The following ARRB2 variants were observed in gnomAD, a reference collection of about 807,000 sequenced individuals.
ARRB2 encodes beta-arrestin-2.
ARRB2 carries 21 observed loss-of-function variants against 53.4 expected under a neutral mutation model. The ratio of observed to expected loss-of-function variants is 0.39; its 90% confidence interval spans 0.28 to 0.57. The LOEUF (loss-of-function observed/expected upper bound fraction) is 0.57, where lower values mean the gene tolerates loss of function less well. Among genes scored for constraint, ARRB2 ranks in the 20% least tolerant of loss-of-function variants. The pLI is 0.55. For synonymous variants in ARRB2, 180 were observed against 212.9 expected, an observed-to-expected ratio of 0.85 and a Z score of 1.34; for missense variants, 369 against 527.5, an observed-to-expected ratio of 0.70 and a Z score of 2.94.
intron 1 of ARRB2, among the ~76,000 whole-genome samples, chr17:4,712,978 T>A (rs1289275645): frequency 6.6e-6 from 1 of 152,100 alleles, no homozygotes; most frequent in Non-Finnish European, 1.5e-5. Flanking sequence ...TTATTTAATT[T>A]AATTAATTTA....
chr17:4,715,185 C>T, intron 2 of ARRB2, 142 bp downstream of exon 2: 2 of 971,204 alleles, frequency 2.1e-6, no homozygotes, highest in Non-Finnish European at 3.0e-6. Context: ...GCGCCGACTT[C>T]CTTCCCTCCT....
In ARRB2 at chr17:4,717,497, C is replaced by T. The variant is rs1014020537; in HGVS notation, c.418-188C>T. 3.3e-6 allele frequency: 3 copies of T among 903,306 alleles called. No homozygotes were observed. The highest frequency in any genetic ancestry group is 5.1e-6 in the Non-Finnish European group (3 of 588,368). 56.0% of individuals were successfully genotyped at this position (903,306 alleles called of 1,614,324 possible). On this transcript the variant is annotated intron_variant, in intron 6 of 14. Coordinates refer to ENST00000269260, the MANE Select transcript of ARRB2 (RefSeq NM_004313.4). This position sits in a 1 kb window ranked among gnomAD's most constrained non-coding sequence, Gnocchi z 6.0. ...CATGGATCTGGGGATGGGGGCTCCCCTTGCACTACCATGACCAAGCCTCTG... is the reference window on the plus strand; with the variant it reads ...CATGGATCTGGGGATGGGGGCTCCCTTTGCACTACCATGACCAAGCCTCTG...
chr17:4,720,975 A>C lies in ARRB2; in HGVS notation c.1166A>C (p.Glu389Ala). The C allele has an allele frequency of 6.2e-7, 1 of 1,614,002 alleles. No individual in the cohort carries two copies. Among genetic ancestry groups the C allele is most frequent in the Non-Finnish European group, 8.5e-7 (1 of 1,179,954 alleles). The change falls in exon 15 of 15, where the codon GAG (glutamate) becomes GCG (alanine). Residue 389 changes from glutamate (E) to alanine (A), a missense_variant. Coordinates refer to ENST00000269260, the MANE Select transcript of ARRB2 (RefSeq NM_004313.4). ...GCCACAGATGATGACATTGTGTTTGAGGACTTTGCCCGGCTTCGGCTGAAG... is the reference window on the plus strand; with the variant it reads ...GCCACAGATGATGACATTGTGTTTGCGGACTTTGCCCGGCTTCGGCTGAAG... ...NYATDDDIVF[E>A]DFARLRLKGM...
At chr17:4,714,187 G>T (rs534679696) in intron 1 of ARRB2, among the ~76,000 whole-genome samples, 7 of 152,154 alleles carry the variant, frequency 4.6e-5, no homozygotes, top group African/African-American at 1.2e-4. Context: ...CATAAACAAG[G>T]TGTGACAGGA....
Position 4,717,350 on chromosome 17 carries a change from C to T in ARRB2, c.417+74C>T. On this transcript the variant is annotated intron_variant, in intron 6 of 14. Transcript: ENST00000269260. This position sits in a 1 kb window ranked among gnomAD's most constrained non-coding sequence, Gnocchi z 6.0. The stretch of plus-strand genomic sequence containing the variant: ...CAGGAGCCTGGAGGCACAGCTGAGC[C>T]AGAGGGTGAACTGTCGAGATGCCAG... The T allele has an allele frequency of 1.9e-6, 3 of 1,558,062 alleles. No individual in the cohort carries two copies. The Admixed American group carries it at 5.0e-5, about 26-fold the overall frequency.
rs9915175 is a variant in ARRB2 at position 4,716,497 on chromosome 17, C to T, written c.246C>T (p.Ile82=). Residue 82 remains isoleucine (I), a synonymous_variant, in exon 5 of 15, where the codon ATC becomes ATT. Transcript: ENST00000269260. The part of the protein sequence containing the change: ...LGLSFRKDLF[I]ATYQAFPPVP... ...TGTCCTTCCGCAAAGACCTGTTCAT[C>T]GCCACCTACCAGGCCTTCCCCCCGG... 1,180 of 1,614,084 alleles carry T rather than the reference C, an allele frequency of 7.3e-4. 7 individuals are homozygous for T. The African/African-American group carries it at 0.011, about 15-fold the overall frequency.
In ARRB2 at chr17:4,717,852, G is replaced by A. The variant is rs1915234054; in HGVS notation, c.486-36G>A. 6.2e-7 allele frequency: 1 copy of A among 1,613,380 alleles called. No homozygotes were observed. On this transcript the variant is annotated intron_variant, in intron 7 of 14. Coordinates refer to ENST00000269260, the MANE Select transcript of ARRB2 (RefSeq NM_004313.4). This position sits in a 1 kb window ranked among gnomAD's most constrained non-coding sequence, Gnocchi z 6.0. The stretch of plus-strand genomic sequence containing the variant: ...GGGGAGGAGTAGGGTTGGGGTGTGT[G>A]AGGAATGACCCCTCCTGCCCCTACT...
chr17:4,717,850 G>T lies in ARRB2; in HGVS notation c.486-38G>T. The T allele has an allele frequency of 2.5e-6, 4 of 1,613,986 alleles. No individual in the cohort carries two copies. The highest frequency in any genetic ancestry group is 3.4e-6 in the Non-Finnish European group (4 of 1,179,906). ...CGGGGGAGGAGTAGGGTTGGGGTGTGTGAGGAATGACCCCTCCTGCCCCTA... is the reference window on the plus strand; with the variant it reads ...CGGGGGAGGAGTAGGGTTGGGGTGTTTGAGGAATGACCCCTCCTGCCCCTA... On this transcript the variant is annotated intron_variant, in intron 7 of 14. Transcript: ENST00000269260. The surrounding 1 kb of genome is among the most constrained non-coding windows in gnomAD (Gnocchi z 6.0).
At position 4,717,936 on chromosome 17, in the gene ARRB2, A is replaced by T; in HGVS notation, c.534A>T (p.Lys178Asn). The T allele has an allele frequency of 6.2e-7, 1 of 1,613,468 alleles. No homozygotes were observed. The highest frequency in any genetic ancestry group is 8.5e-7 in the Non-Finnish European group (1 of 1,179,936). ...VIRKVQFAPE[K>N]PGPQPSAETT... ...GAAAGGTGCAGTTCGCCCCGGAGAA[A>T]CCCGGCCCCCAGCCTTCAGCCGAAA... is the stretch of plus-strand genomic sequence containing the variant. The change falls in exon 8 of 15, where the codon AAA becomes AAT. Residue 178 changes from lysine to asparagine, a missense_variant. By Grantham distance (94) the Lys-to-Asn change is moderately conservative. Coordinates refer to ENST00000269260, the MANE Select transcript of ARRB2 (RefSeq NM_004313.4). The surrounding 1 kb of genome is among the most constrained non-coding windows in gnomAD (Gnocchi z 6.0).
rs375311195 is a variant in ARRB2 at position 4,720,437 on chromosome 17, C to G, written c.1046C>G (p.Pro349Arg). 6.2e-7 allele frequency: 1 copy of G among 1,613,730 alleles called. No homozygotes were observed. The highest frequency in any genetic ancestry group is 8.5e-7 in the Non-Finnish European group (1 of 1,179,810). Residue 349 changes from proline (P) to arginine (R), a missense_variant, in exon 13 of 15, where the codon CCC (proline) becomes CGC (arginine). Transcript: ENST00000269260. ...ELPFVLMHPK[P>R]HDHIPLPRPQ... is the part of the protein sequence containing the mutation. ...CCTTTTGTTCTTATGCACCCCAAGC[C>G]CCACGACCACATCCCCCTCCCCAGA...
At chr17:4,716,217 C>T in intron 4 of ARRB2, 26 bp downstream of exon 4, 1 of 1,613,452 alleles carries the variant, frequency 6.2e-7, no homozygotes, top group Non-Finnish European at 8.5e-7. Context: ...CCAGGGGGCC[C>T]AGGGAAAGTG....
chr17:4,720,570 C>A lies in ARRB2; in HGVS notation c.1082-16C>A. 1 of 1,577,652 alleles carries A rather than the reference C, an allele frequency of 6.3e-7. No individual in the cohort carries two copies. The highest frequency in any genetic ancestry group is 8.6e-7 in the Non-Finnish European group (1 of 1,164,596). Reference sequence around the variant, plus strand: ...TCCAGCACCCACCCCCACACCCCCTCTTCCCGTCCCCCCAGCCGCTCCGGA... The same window carrying A: ...TCCAGCACCCACCCCCACACCCCCTATTCCCGTCCCCCCAGCCGCTCCGGA... On this transcript the variant is annotated splice_polypyrimidine_tract_variant and intron_variant, in intron 13 of 14. Coordinates refer to ENST00000269260, the MANE Select transcript of ARRB2 (RefSeq NM_004313.4).
rs749679004 is a variant in ARRB2 at position 4,718,602 on chromosome 17, C to T, written c.707-10C>T. The T allele has an allele frequency of 1.6e-5, 25 of 1,612,620 alleles. No individual in the cohort carries two copies. Among genetic ancestry groups the T allele is most frequent in the Middle Eastern group, 3.3e-4 (2 of 6,082 alleles). ...CATCCAGAGCTGCCTGACCCCGTCC[C>T]ACCCCACAGTGAGACAGTACGCCGA... On this transcript the variant is annotated splice_polypyrimidine_tract_variant and intron_variant, in intron 9 of 14. Coordinates refer to ENST00000269260, the MANE Select transcript of ARRB2 (RefSeq NM_004313.4).
In ARRB2 at chr17:4,717,924, C is replaced by T. The variant is rs751805903; in HGVS notation, c.522C>T (p.Phe174=). The change falls in exon 8 of 15, where the codon TTC becomes TTT. Residue 174 remains phenylalanine, a synonymous_variant. Coordinates refer to ENST00000269260, the MANE Select transcript of ARRB2 (RefSeq NM_004313.4). This position sits in a 1 kb window ranked among gnomAD's most constrained non-coding sequence, Gnocchi z 6.0. The part of the protein sequence containing the change: ...SVRLVIRKVQ[F]APEKPGPQPS... ...GGCTGGTGATCCGAAAGGTGCAGTT[C>T]GCCCCGGAGAAACCCGGCCCCCAGC... is the stretch of plus-strand genomic sequence containing the variant. 16 of 1,613,894 alleles carry T rather than the reference C, an allele frequency of 9.9e-6. 1 individual carries two copies. Among genetic ancestry groups the T allele is most frequent in the Middle Eastern group, 3.3e-4 (2 of 6,062 alleles).
intron 2 of ARRB2, 59 bp from the exon 3 acceptor site, chr17:4,715,914 G>C: frequency 2.5e-6 from 4 of 1,602,428 alleles, no homozygotes; most frequent in Non-Finnish European, 3.4e-6. Flanking sequence ...AGTTTTGAGG[G>C]CTCCGATGCC....
At chr17:4,712,670 C>A (rs192921264) in intron 1 of ARRB2, among the ~76,000 whole-genome samples, 51 of 152,358 alleles carry the variant, frequency 3.3e-4, no homozygotes, top group African/African-American at 1.2e-3. Context: ...CCACAATTGG[C>A]CAGATCACTG....
At chr17:4,711,713 G>A (rs1281718753) in intron 1 of ARRB2, among the ~76,000 whole-genome samples, 1 of 152,156 alleles carries the variant, frequency 6.6e-6, no homozygotes, top group Non-Finnish European at 1.5e-5. Context: ...CTGGATCAGG[G>A]TTTAAACATC....
chr17:4,720,068 C>T (rs990152252), intron 11 of ARRB2, 148 bp from the exon 12 acceptor site: 6 of 756,976 alleles, frequency 7.9e-6, no homozygotes, highest in Middle Eastern at 7.4e-4. Context: ...GCAGTGCGCA[C>T]TGTACCATAA....
chr17:4,715,121 A>G, intron 2 of ARRB2, 78 bp downstream of exon 2: 5 of 1,510,704 alleles, frequency 3.3e-6, no homozygotes, highest in South Asian at 1.2e-5. Context: ...ACGATCCCCA[A>G]CCTACCCAAA....
Sources: gnomAD v4.1 joint callset for allele counts (sites outside exome capture counted in the v4.1 genomes callset) on GRCh38, gnomAD v4.1.1 for gene constraint, Gnocchi (gnomAD v3.1) non-coding constraint, MANE v1.5 for transcripts, NCBI Gene and HGNC (gene_info 2026-07-23, HGNC 2026-07-21) for gene names.